ARHGAP22: variants seen among roughly 807,000 people sequenced by gnomAD.
ARHGAP22 encodes the protein rho GTPase-activating protein 22.
ARHGAP22 carries 48 observed loss-of-function variants against 59.1 expected under a neutral mutation model. The observed-to-expected ratio is 0.81, with a 90% CI of 0.64 to 1.03. The LOEUF is 1.03. Ranked by LOEUF, ARHGAP22 falls within the 50% of genes least tolerant of loss-of-function variation. The pLI, the probability that ARHGAP22 is intolerant of heterozygous loss-of-function variation, is 0.00. For missense variants in ARHGAP22, 1,015 were observed against 958.7 expected (o/e 1.06, Z -0.78); for synonymous variants, 445 against 416.4 (o/e 1.07, Z -0.84).
At chr10:48,625,413 G>T (rs113446970) in intron 1 of ARHGAP22, among the ~76,000 whole-genome samples, 2 of 152,094 alleles carry the variant, frequency 1.3e-5, no homozygotes, top group Admixed American at 1.3e-4. Flanking sequence ...GAGGGGTGAT[G>T]ATTTGAATTC....
At position 48,634,281 on chromosome 10, in the gene ARHGAP22, CTT is replaced by C. The variant is rs2061729230; in HGVS notation, c.52+17951_52+17952del. ...CTGTCTGCCACTAACTAGCTGTGAG[CTT>C]TTGGCAAGTCAGTAAACTTCAGATC... On this transcript the variant is annotated intron_variant, in intron 1 of 9. Coordinates refer to the ARHGAP22 transcript ENST00000435790. 2.0e-5 allele frequency among the ~76,000 whole-genome samples: 3 copies of C among 152,256 alleles called. No homozygotes were observed. The East Asian group carries it at 5.8e-4, about 29-fold the overall frequency.
intron 5 of ARHGAP22, among the ~76,000 whole-genome samples, chr10:48,457,385 T>C (rs917608265): frequency 2.0e-5 from 3 of 151,660 alleles, no homozygotes; most frequent in South Asian, 2.1e-4. Context: ...CCCTGGGAGG[T>C]TCCCTACCAC....
chr10:48,462,661 C>A (rs1368062107), intron 4 of ARHGAP22, among the ~76,000 whole-genome samples: 1 of 152,220 alleles, frequency 6.6e-6, no homozygotes, highest in African/African-American at 2.4e-5. Flanking sequence ...GAACAGACAA[C>A]AGGCAGAGGT....
rs371948961 is a variant in ARHGAP22 at position 48,592,912 on chromosome 10, C to T, written c.35-9760G>A. Among the ~76,000 whole-genome samples, 23 of 152,348 alleles carry T rather than the reference C, an allele frequency of 1.5e-4. 1 individual carries two copies. Among genetic ancestry groups the T allele is most frequent in the African/African-American group, 3.6e-4 (15 of 41,586 alleles). On this transcript the variant is annotated intron_variant, in intron 1 of 9. Coordinates refer to ENST00000249601, the MANE Select transcript of ARHGAP22 (RefSeq NM_021226.4). ...TAAATGTGGGACTTAGATCACATTG[C>T]GCCCTGTGAAAACCCTGCAGGTTCC... is the stretch of plus-strand genomic sequence containing the variant.
In ARHGAP22 at chr10:48,455,140, G is replaced by T. The variant is rs779486546; in HGVS notation, c.660-6C>A. On this transcript the variant is annotated splice_region_variant and splice_polypyrimidine_tract_variant and intron_variant, in intron 5 of 9. Coordinates refer to ENST00000249601, the MANE Select transcript of ARHGAP22 (RefSeq NM_021226.4). Reference sequence around the variant, plus strand: ...CCGTGTGCACGTCTGTTGTGCTGTGGGGGGGAAGAGGACAGGTGTGTGAGG... The same window carrying T: ...CCGTGTGCACGTCTGTTGTGCTGTGTGGGGGAAGAGGACAGGTGTGTGAGG... 1.2e-6 allele frequency: 2 copies of T among 1,603,862 alleles called. No homozygotes were observed. The highest frequency in any genetic ancestry group is 1.1e-5 in the South Asian group (1 of 90,128).
chr10:48,548,753 G>C (rs1348633), intron 3 of ARHGAP22, among the ~76,000 whole-genome samples: 44,337 of 152,212 alleles, frequency 0.29, 7,875 homozygotes, highest in East Asian at 0.9. Flanking sequence ...CTTTCAAAGG[G>C]CTGGGAGGGG....
At chr10:48,649,891 G>C (rs577812169) in intron 1 of ARHGAP22, among the ~76,000 whole-genome samples, 4 of 152,020 alleles carry the variant, frequency 2.6e-5, no homozygotes, top group African/African-American at 9.7e-5. Context: ...ACAATTGAAC[G>C]CATAAGGACC....
chr10:48,637,686 T>C lies in ARHGAP22; in HGVS notation c.52+14548A>G, dbSNP rs557030576. Among the ~76,000 whole-genome samples, 3 of 152,052 alleles carry C rather than the reference T, an allele frequency of 2.0e-5. No homozygotes were observed. The South Asian group carries it at 6.2e-4, about 32-fold the overall frequency. On this transcript the variant is annotated intron_variant, in intron 1 of 9. Coordinates refer to the ARHGAP22 transcript ENST00000435790. ...GATGGTGGATGAGTGGATGGGTGGA[T>C]GGATGAATTGTGGATGAATGGGTGA...
intron 1 of ARHGAP22, among the ~76,000 whole-genome samples, chr10:48,593,144 C>T (rs2059867972): frequency 6.6e-6 from 1 of 152,212 alleles, no homozygotes; most frequent in Non-Finnish European, 1.5e-5. Context: ...CCTAGGGTTC[C>T]TCTCTCAGCC....
chr10:48,451,751 G>A, intron 8 of ARHGAP22: 1 of 579,526 alleles, frequency 1.7e-6, no homozygotes. Context: ...CACCCACCCA[G>A]CCTCCCCAAA....
At position 48,455,065 on chromosome 10, in the gene ARHGAP22, G is replaced by A; in HGVS notation, c.729C>T (p.Val243=). Residue 243 remains valine, a synonymous_variant, in exon 6 of 10, where the codon GTC becomes GTT. Transcript: ENST00000249601. ...LYLRELPEPV[V]PFARYEDFLS... is the part of the protein sequence containing the mutation. ...GGAAGTCCTCGTACCTGGCGAAGGG[G>A]ACCACGGGCTCGGGGAGCTCCCGCA... 6.2e-7 allele frequency: 1 copy of A among 1,612,572 alleles called. No individual in the cohort carries two copies. The highest frequency in any genetic ancestry group is 1.1e-5 in the South Asian group (1 of 90,962).
chr10:48,526,899 C>A (rs765289918), intron 3 of ARHGAP22, among the ~76,000 whole-genome samples: 1 of 152,130 alleles, frequency 6.6e-6, no homozygotes, highest in Non-Finnish European at 1.5e-5. Flanking sequence ...TGTTTTATTG[C>A]CTTTGGTTTC....
At chr10:48,491,742 A>G (rs939375798) in intron 3 of ARHGAP22, among the ~76,000 whole-genome samples, 1 of 152,272 alleles carries the variant, frequency 6.6e-6, no homozygotes, top group Non-Finnish European at 1.5e-5. Context: ...AGTAGTGTGA[A>G]CACTTGTGGG....
At chr10:48,625,084 C>T (rs183716665) in intron 1 of ARHGAP22, 1 of 152,256 alleles carries the variant, frequency 6.6e-6, no homozygotes, top group East Asian at 1.9e-4. Context: ...TCCTTCACTG[C>T]CAGTTCACTG....
At chr10:48,536,100 G>A (rs1420292591) in intron 3 of ARHGAP22, among the ~76,000 whole-genome samples, 1 of 152,218 alleles carries the variant, frequency 6.6e-6, no homozygotes, top group African/African-American at 2.4e-5. Flanking sequence ...TGTTCCTCGG[G>A]GTTTTGCTGC....
At chr10:48,479,478 G>A (rs888011977) in intron 4 of ARHGAP22, 158 bp downstream of exon 4, 17 of 1,389,130 alleles carry the variant, frequency 1.2e-5, no homozygotes, top group African/African-American at 4.3e-5. Context: ...GGTGACTCCC[G>A]AGGGCTGGCA....
intron 4 of ARHGAP22, among the ~76,000 whole-genome samples, chr10:48,471,542 A>T (rs1377702617): frequency 1.3e-5 from 2 of 152,198 alleles, no homozygotes; most frequent in Non-Finnish European, 2.9e-5. Flanking sequence ...AAACGTGTCC[A>T]AACAGAGCTA....
chr10:48,522,662 T>C (rs1269587544), intron 3 of ARHGAP22, among the ~76,000 whole-genome samples: 2 of 152,234 alleles, frequency 1.3e-5, no homozygotes, highest in East Asian at 3.8e-4. Flanking sequence ...TAAACCCTAC[T>C]GCAGCCCTAG....
chr10:48,472,070 G>A (rs1009311159), intron 4 of ARHGAP22, among the ~76,000 whole-genome samples: 3 of 152,010 alleles, frequency 2.0e-5, no homozygotes, highest in Non-Finnish European at 4.4e-5. Flanking sequence ...CACTGGGTGC[G>A]GTGGCGGGTG....
Sources: allele counts gnomAD v4.1 joint callset (sites outside exome capture counted in the v4.1 genomes callset), GRCh38; gene constraint gnomAD v4.1.1; transcripts MANE v1.5; gene names NCBI Gene and HGNC (gene_info 2026-07-23, HGNC 2026-07-21).